SRCIN1: variants seen among roughly 807,000 people sequenced by gnomAD.
The protein encoded by SRCIN1 is SRC kinase signaling inhibitor 1, also known as P130Cas-associated protein.
SRCIN1 carries 50 observed loss-of-function variants against 116.2 expected under a neutral mutation model. The observed-to-expected ratio is 0.43, with a 90% CI of 0.34 to 0.54. SRCIN1 has a LOEUF of 0.54. SRCIN1 is among the 20% of genes least tolerant of loss of function. The probability of loss-of-function intolerance (pLI) is 0.02; values close to 1 mark genes in which losing one functional copy is unlikely to be tolerated. For synonymous variants in SRCIN1, 736 were observed against 750.0 expected, an observed-to-expected ratio of 0.98 and a Z score of 0.30; for missense variants, 1,446 against 1,672.0, an observed-to-expected ratio of 0.86 and a Z score of 2.36.
intron 1 of SRCIN1, among the ~76,000 whole-genome samples, chr17:38,595,861 T>TA (rs1232966174): frequency 6.6e-6 from 1 of 152,214 alleles, no homozygotes; most frequent in African/African-American, 2.4e-5. Flanking sequence ...CACGTGCACA[T>TA]ACAGACATGT....
chr17:38,552,903 G>C lies in SRCIN1; in HGVS notation c.2202-48C>G. On this transcript the variant is annotated intron_variant, in intron 11 of 18. Coordinates refer to ENST00000617146, the MANE Select transcript of SRCIN1 (RefSeq NM_025248.3). This position sits in a 1 kb window ranked among gnomAD's most constrained non-coding sequence, Gnocchi z 5.3. ...TCAGCCCTTTTGGCCTGAGATGCCA[G>C]CCCAGCCCCCTGAAATTGGGCAACT... 6.4e-7 allele frequency: 1 copy of C among 1,569,318 alleles called. No homozygotes were observed. The highest frequency in any genetic ancestry group is 8.6e-7 in the Non-Finnish European group (1 of 1,158,082).
intron 1 of SRCIN1, among the ~76,000 whole-genome samples, chr17:38,600,308 C>A (rs947642184): frequency 6.6e-6 from 1 of 152,192 alleles, no homozygotes; most frequent in Admixed American, 6.5e-5. Flanking sequence ...CCAAGGCATG[C>A]GAAGAGGCTC....
Position 38,604,416 on chromosome 17 carries a change from C to A in SRCIN1, c.22+1268G>T. On this transcript the variant is annotated intron_variant, in intron 1 of 18. Coordinates refer to ENST00000617146, the MANE Select transcript of SRCIN1 (RefSeq NM_025248.3). The surrounding 1 kb of genome is among the most constrained non-coding windows in gnomAD (Gnocchi z 4.3). ...GGTGCTGCAGGACCTCCTTGTCCCA[C>A]AACATTTGAGGAGGGGGGCTGGGAA... is the stretch of plus-strand genomic sequence containing the variant. 1 of 403,138 alleles carries A rather than the reference C, an allele frequency of 2.5e-6. No homozygotes were observed. Among genetic ancestry groups the A allele is most frequent in the South Asian group, 1.8e-5 (1 of 56,690 alleles). The allele number at this position is 403,138 out of a possible 1,614,324, so 25.0% of individuals were successfully genotyped here.
chr17:38,568,368 A>G lies in SRCIN1; in HGVS notation c.325-137T>C. The G allele has an allele frequency of 2.5e-6, 2 of 804,708 alleles. No homozygotes were observed. Among genetic ancestry groups the G allele is most frequent in the Non-Finnish European group, 4.2e-6 (2 of 475,488 alleles). 49.8% of individuals were successfully genotyped at this position (804,708 alleles called of 1,614,324 possible). On this transcript the variant is annotated intron_variant, in intron 2 of 18. Coordinates refer to ENST00000617146, the MANE Select transcript of SRCIN1 (RefSeq NM_025248.3). The surrounding 1 kb of genome is among the most constrained non-coding windows in gnomAD (Gnocchi z 4.5). ...GCCCTCCACCCTCCCAGGAGCAGGA[A>G]TGAAGTCATGCCTGGTACATCCATT...
In SRCIN1 at chr17:38,559,592, T is replaced by G; in HGVS notation, c.2018A>C (p.Lys673Thr). The change falls in exon 10 of 19, where the codon AAG becomes ACG. Residue 673 changes from lysine (K) to threonine (T), a missense_variant. This residue lies in a region of SRCIN1 where 398 missense variants were observed against 385.6 expected (regional missense o/e 1.03). Transcript: ENST00000617146. ...CCCAGGACGGGGCGGTACCTGGAGCTTGCGCAACTGCTGGAGCTGGCCGCG... is the reference window on the plus strand; with the variant it reads ...CCCAGGACGGGGCGGTACCTGGAGCGTGCGCAACTGCTGGAGCTGGCCGCG... ...DLRGQLQQLRKLQLQNQESVR... is the reference protein window; with the variant it reads ...DLRGQLQQLRTLQLQNQESVR... 1.2e-6 allele frequency: 2 copies of G among 1,600,298 alleles called. No individual in the cohort carries two copies. Among genetic ancestry groups the G allele is most frequent in the Non-Finnish European group, 1.7e-6 (2 of 1,179,298 alleles).
intron 14 of SRCIN1, 92 bp downstream of exon 14, chr17:38,551,794 C>T: frequency 6.3e-7 from 1 of 1,598,394 alleles, no homozygotes; most frequent in Admixed American, 1.7e-5. Context: ...GAAAAAGACC[C>T]ACAGGATTGG....
rs995183320 is a variant in SRCIN1 at position 38,559,468 on chromosome 17, C to T, written c.2025+117G>A. ...AGAGGCCAGTGAGCGGCGAAGGACT[C>T]GGGCGTGGAAGCTCTGGGAAAAGGA... is the stretch of plus-strand genomic sequence containing the variant. On this transcript the variant is annotated intron_variant, in intron 10 of 18. Coordinates refer to ENST00000617146, the MANE Select transcript of SRCIN1 (RefSeq NM_025248.3). 64 of 1,091,850 alleles carry T rather than the reference C, an allele frequency of 5.9e-5. 1 individual carries two copies. Among genetic ancestry groups the T allele is most frequent in the Non-Finnish European group, 5.2e-5 (41 of 780,998 alleles). 67.6% of individuals were successfully genotyped at this position (1,091,850 alleles called of 1,614,324 possible).
chr17:38,580,107 A>G (rs909584516), intron 1 of SRCIN1, among the ~76,000 whole-genome samples: 1 of 152,148 alleles, frequency 6.6e-6, no homozygotes, highest in Non-Finnish European at 1.5e-5. Flanking sequence ...CCAGGGCAAC[A>G]GGGGACGCGG....
intron 18 of SRCIN1, among the ~76,000 whole-genome samples, chr17:38,535,590 G>C (rs1395779347): frequency 6.6e-6 from 1 of 152,110 alleles, no homozygotes. Context: ...CCACAGGGTC[G>C]TCAGATTCAC....
Position 38,549,155 on chromosome 17 carries a change from C to A in SRCIN1, c.3018G>T (p.Pro1006=), listed in dbSNP as rs141617960. 6.0e-3 allele frequency: 4,454 copies of A among 743,788 alleles called. 103 individuals are homozygous for A. In the African/African-American group the frequency reaches 0.065, roughly 11 times the overall value. 46.1% of individuals were successfully genotyped at this position (743,788 alleles called of 1,614,324 possible). The change falls in exon 16 of 19, where the codon CCG becomes CCT. Residue 1006 remains proline, a synonymous_variant. Coordinates refer to ENST00000617146, the MANE Select transcript of SRCIN1 (RefSeq NM_025248.3). The part of the protein sequence containing the change: ...RTEKPSKSPP[P]PPPRRSFPSS... ...AGGGGAAGCTCCGGCGGGGAGGGGG[C>A]GGTGGGGGCGACTTGGAGGGCTTCT...
rs6503709 is a variant in SRCIN1 at position 38,562,374 on chromosome 17, A to T, written c.835-46T>A. 0.031 allele frequency: 43,602 copies of T among 1,403,040 alleles called. 728 individuals are homozygous for T. Among genetic ancestry groups the T allele is most frequent in the Non-Finnish European group, 0.034 (37,012 of 1,086,724 alleles). 86.9% of individuals were successfully genotyped at this position (1,403,040 alleles called of 1,614,324 possible). On this transcript the variant is annotated intron_variant, in intron 6 of 18. Coordinates refer to ENST00000617146, the MANE Select transcript of SRCIN1 (RefSeq NM_025248.3). The surrounding 1 kb of genome is among the most constrained non-coding windows in gnomAD (Gnocchi z 4.2). The stretch of plus-strand genomic sequence containing the variant: ...AACCCCACGGGGCTGGTCACCAAGG[A>T]CACCCCTGTCCCTTGCTTGAGGAGC...
intron 14 of SRCIN1, 109 bp from the exon 15 acceptor site, chr17:38,551,498 C>T: frequency 2.1e-6 from 2 of 968,588 alleles, no homozygotes; most frequent in South Asian, 1.7e-5. Flanking sequence ...AAAACGAAGC[C>T]TCATATTTGA....
At chr17:38,579,913 G>GC (rs1907687715) in intron 1 of SRCIN1, among the ~76,000 whole-genome samples, 1 of 152,098 alleles carries the variant, frequency 6.6e-6, no homozygotes. Flanking sequence ...ATAGATTTGT[G>GC]CCCCTCAGAA....
At chr17:38,578,916 G>A (rs988243625) in intron 1 of SRCIN1, 125 bp from the exon 2 acceptor site, 2 of 1,128,854 alleles carry the variant, frequency 1.8e-6, no homozygotes, top group Non-Finnish European at 2.4e-6. Flanking sequence ...AGGCGCCCGG[G>A]GAGAGGCAGG....
rs1169118433 is a variant in SRCIN1 at position 38,604,837 on chromosome 17, C to A, written c.22+847G>T. On this transcript the variant is annotated intron_variant, in intron 1 of 18. Coordinates refer to ENST00000617146, the MANE Select transcript of SRCIN1 (RefSeq NM_025248.3). This position sits in a 1 kb window ranked among gnomAD's most constrained non-coding sequence, Gnocchi z 4.3. The stretch of plus-strand genomic sequence containing the variant: ...CCCAGCCCCACCCTCCACCCCTCAG[C>A]CGCCTGCCTTCCCTATCTTCTCACT... Among the ~76,000 whole-genome samples, 2 of 151,040 alleles carry A rather than the reference C, an allele frequency of 1.3e-5. No individual in the cohort carries two copies. The highest frequency in any genetic ancestry group is 4.9e-5 in the African/African-American group (2 of 40,998).
rs1906867076 is a variant in SRCIN1 at position 38,568,553 on chromosome 17, G to A, written c.325-322C>T. Among the ~76,000 whole-genome samples, 1 of 152,204 alleles carries A rather than the reference G, an allele frequency of 6.6e-6. No individual in the cohort carries two copies. The highest frequency in any genetic ancestry group is 2.1e-4 in the South Asian group (1 of 4,828). On this transcript the variant is annotated intron_variant, in intron 2 of 18. Transcript: ENST00000617146. This position sits in a 1 kb window ranked among gnomAD's most constrained non-coding sequence, Gnocchi z 4.5. ...AGAGGCAGCGACAAAGCTGAGCTGTGGGGTCAGAGAAATGGCAGGCCAGGG... is the reference window on the plus strand; with the variant it reads ...AGAGGCAGCGACAAAGCTGAGCTGTAGGGTCAGAGAAATGGCAGGCCAGGG...
intron 18 of SRCIN1, chr17:38,542,320 T>C (rs1395731379): frequency 6.5e-6 from 1 of 153,058 alleles, no homozygotes; most frequent in Non-Finnish European, 1.5e-5. Flanking sequence ...AGTCTGGACT[T>C]GTGTCCTGCC....
At chr17:38,571,201 A>G (rs1907057068) in intron 2 of SRCIN1, among the ~76,000 whole-genome samples, 1 of 152,132 alleles carries the variant, frequency 6.6e-6, no homozygotes, top group African/African-American at 2.4e-5. Context: ...GTGTTCTCTA[A>G]GGTGGGACAT....
At chr17:38,535,207 TTC>T (rs1161912091) in intron 18 of SRCIN1, among the ~76,000 whole-genome samples, 2 of 135,464 alleles carry the variant, frequency 1.5e-5, no homozygotes, top group Middle Eastern at 3.4e-3. Context: ...TTCTTTTTCT[TTC>T]TTTTTTTTTT....
Sources: gnomAD v4.1 joint callset for allele counts (sites outside exome capture counted in the v4.1 genomes callset) on GRCh38, gnomAD v4.1.1 for gene constraint, gnomAD v4.1.1 regional missense constraint, Gnocchi (gnomAD v3.1) non-coding constraint, MANE v1.5 for transcripts, NCBI Gene and HGNC (gene_info 2026-07-23, HGNC 2026-07-21) for gene names.